Variants in CPXM2 observed in about 807,000 individuals in gnomAD.
CPXM2 encodes the protein carboxypeptidase X, M14 family member 2.
CPXM2 carries 66 observed loss-of-function variants against 86.1 expected under a neutral mutation model. The observed-to-expected ratio is 0.77, with a 90% confidence interval of 0.63 to 0.94. The LOEUF is 0.94. CPXM2 is among the 40% of genes least tolerant of loss of function. CPXM2 has a pLI of 0.00. For missense variants in CPXM2, 948 were observed against 1,026.3 expected (o/e 0.92, Z 1.04); for synonymous variants, 388 against 400.2 (o/e 0.97, Z 0.36).
chr10:123,825,424 C>T (rs1848025946), intron 4 of CPXM2, among the ~76,000 whole-genome samples: 1 of 152,186 alleles, frequency 6.6e-6, no homozygotes, highest in African/African-American at 2.4e-5. Flanking sequence ...AGACCTGATG[C>T]CTGTTCTCCC....
chr10:123,769,997 G>A (rs988351285), intron 8 of CPXM2, among the ~76,000 whole-genome samples: 1 of 152,182 alleles, frequency 6.6e-6, no homozygotes, highest in Non-Finnish European at 1.5e-5. Context: ...ACTCCTGCTG[G>A]GCGTGGTGCC....
At chr10:123,801,992 T>C (rs765033476) in intron 4 of CPXM2, among the ~76,000 whole-genome samples, 13 of 152,256 alleles carry the variant, frequency 8.5e-5, no homozygotes, top group Non-Finnish European at 1.5e-4. Context: ...TTTCTGGAAT[T>C]ACTTGATACT....
chr10:123,759,849 C>T (rs1470707193), intron 11 of CPXM2, among the ~76,000 whole-genome samples: 1 of 152,170 alleles, frequency 6.6e-6, no homozygotes. Context: ...ACACACACTC[C>T]AAACAATGTG....
At chr10:123,835,284 G>A (rs1848255493) in intron 4 of CPXM2, among the ~76,000 whole-genome samples, 1 of 152,114 alleles carries the variant, frequency 6.6e-6, no homozygotes, top group Non-Finnish European at 1.5e-5. Context: ...CTCAAATAAA[G>A]CGGGGTGGAA....
chr10:123,776,408 C>T (rs1437145262), intron 7 of CPXM2, among the ~76,000 whole-genome samples: 1 of 152,220 alleles, frequency 6.6e-6, no homozygotes, highest in Non-Finnish European at 1.5e-5. Flanking sequence ...TCTGCTGCTT[C>T]ACTCTCTACT....
chr10:123,866,458 G>A (rs915074083), intron 2 of CPXM2, among the ~76,000 whole-genome samples: 1 of 152,064 alleles, frequency 6.6e-6, no homozygotes, highest in Non-Finnish European at 1.5e-5. Flanking sequence ...CCAGCTACTC[G>A]GGACGGCGAG....
chr10:123,857,661 G>A (rs377640853), intron 3 of CPXM2, among the ~76,000 whole-genome samples: 3 of 118,996 alleles, frequency 2.5e-5, no homozygotes, highest in Admixed American at 8.1e-5. Flanking sequence ...GATGGAAGGC[G>A]GCGTGGAGAT....
chr10:123,815,742 C>A (rs1847801044), intron 4 of CPXM2, among the ~76,000 whole-genome samples: 1 of 152,170 alleles, frequency 6.6e-6, no homozygotes, highest in South Asian at 2.1e-4. Flanking sequence ...AAAGTCCTGG[C>A]AGGCCCCTAG....
At chr10:123,768,899 A>T (rs1846559997) in intron 8 of CPXM2, among the ~76,000 whole-genome samples, 177 bp from the exon 9 acceptor site, 2 of 152,168 alleles carry the variant, frequency 1.3e-5, no homozygotes, top group African/African-American at 4.8e-5. Context: ...TTATTCCCAG[A>T]CAGTCAGGTA....
At chr10:123,863,223 A>C (rs937998439) in intron 2 of CPXM2, among the ~76,000 whole-genome samples, 1 of 152,250 alleles carries the variant, frequency 6.6e-6, no homozygotes, top group African/African-American at 2.4e-5. Context: ...TGATCGTCCC[A>C]GCCTAGCCCA....
chr10:123,781,206 T>A (rs1160797018), intron 6 of CPXM2, among the ~76,000 whole-genome samples: 2 of 152,194 alleles, frequency 1.3e-5, no homozygotes, highest in African/African-American at 4.8e-5. Flanking sequence ...AATCAGAATG[T>A]GTTAACAGAG....
chr10:123,777,983 CT>C (rs2134023360), intron 7 of CPXM2, among the ~76,000 whole-genome samples: 1 of 152,298 alleles, frequency 6.6e-6, no homozygotes, highest in East Asian at 1.9e-4. Context: ...TCAGTATTTT[CT>C]TGGAATAATT....
At chr10:123,852,549 C>T (rs932130301) in intron 3 of CPXM2, among the ~76,000 whole-genome samples, 1 of 152,222 alleles carries the variant, frequency 6.6e-6, no homozygotes, top group Admixed American at 6.5e-5. Flanking sequence ...ATCCGTTTCA[C>T]ATGTAAGCCA....
At chr10:123,817,605 T>C (rs896666906) in intron 4 of CPXM2, among the ~76,000 whole-genome samples, 3 of 152,024 alleles carry the variant, frequency 2.0e-5, no homozygotes, top group Non-Finnish European at 4.4e-5. Flanking sequence ...AAGTGGTATA[T>C]ACGTAATTGG....
At chr10:123,789,846 C>T (rs943019673) in intron 6 of CPXM2, among the ~76,000 whole-genome samples, 8 of 151,794 alleles carry the variant, frequency 5.3e-5, no homozygotes, top group Non-Finnish European at 8.8e-5. Flanking sequence ...TGGCCGGGTG[C>T]GGTGGCTCAC....
At chr10:123,862,908 T>A (rs1438197167) in intron 2 of CPXM2, among the ~76,000 whole-genome samples, 185 bp from the exon 3 acceptor site, 1 of 152,220 alleles carries the variant, frequency 6.6e-6, no homozygotes, top group Non-Finnish European at 1.5e-5. Flanking sequence ...CTTGTTGGCA[T>A]TTGCTTTAGG....
chr10:123,857,621 AGGCGGCGTG>A (rs1848759032), intron 3 of CPXM2, among the ~76,000 whole-genome samples: 1 of 140,430 alleles, frequency 7.1e-6, no homozygotes, highest in African/African-American at 2.5e-5. Flanking sequence ...TGGAGATGGA[AGGCGGCGTG>A]GAGATGGAAG....
In CPXM2 at chr10:123,885,741, A is replaced by T. The variant is rs1188809861; in HGVS notation, c.305-5432T>A. Reference sequence around the variant, plus strand: ...GGCAGAGCCATTGCTGGAGATGCCAAGCCTGAATGCTCAGGCTCCCTGGAC... The same window carrying T: ...GGCAGAGCCATTGCTGGAGATGCCATGCCTGAATGCTCAGGCTCCCTGGAC... On this transcript the variant is annotated intron_variant, in intron 1 of 13. Transcript: ENST00000241305. This position sits in a 1 kb window ranked among gnomAD's most constrained non-coding sequence, Gnocchi z 4.0. 1.3e-5 allele frequency among the ~76,000 whole-genome samples: 2 copies of T among 152,214 alleles called. No individual in the cohort carries two copies.
At chr10:123,873,056 G>A (rs1317206757) in intron 2 of CPXM2, among the ~76,000 whole-genome samples, 1 of 152,116 alleles carries the variant, frequency 6.6e-6, no homozygotes. Context: ...ATGAATGGGG[G>A]TCTTTGCCAA....
Sources: gnomAD v4.1 joint callset for allele counts (sites outside exome capture counted in the v4.1 genomes callset) on GRCh38, gnomAD v4.1.1 for gene constraint, Gnocchi (gnomAD v3.1) non-coding constraint, MANE v1.5 for transcripts, NCBI Gene and HGNC (gene_info 2026-07-23, HGNC 2026-07-21) for gene names.